GCNA: variants seen among roughly 807,000 people sequenced by gnomAD.
The protein encoded by GCNA is germ cell nuclear acidic protein.
GCNA carries 3 observed loss-of-function variants against 38.8 expected under a neutral mutation model. The observed-to-expected ratio is 0.08, with a 90% confidence interval of 0.04 to 0.20. The LOEUF (loss-of-function observed/expected upper bound fraction) is 0.20, where lower values mean the gene tolerates loss of function less well. GCNA is among the 10% of genes least tolerant of loss of function. The pLI is 1.00. For missense variants in GCNA, 446 were observed against 578.6 expected, an observed-to-expected ratio of 0.77 and a Z score of 2.35; for synonymous variants, 195 against 240.2, an observed-to-expected ratio of 0.81 and a Z score of 1.74.
Position 71,603,588 on chromosome X carries a change from A to G in GCNA, c.311A>G (p.Asp104Gly), listed in dbSNP as rs1569440100. ...KAKLLEINSD[D>G]ESPECCHVKP... is the part of the protein sequence containing the mutation. ...TATGATTGTGTCTCTTGAATTTCAG[A>G]TGAGAGTCCGGAGTGTTGTCATGTG... Residue 104 changes from aspartate to glycine, a missense_variant and splice_region_variant, in exon 8 of 13, where the codon GAT (aspartate) becomes GGT (glycine). Around this residue, in one of 7 missense-constraint regions of GCNA, gnomAD observed 118 missense variants for 122.8 expected, o/e 0.96. Coordinates refer to ENST00000373696, the MANE Select transcript of GCNA (RefSeq NM_052957.5). 4 of 1,203,877 alleles carry G rather than the reference A, an allele frequency of 3.3e-6. No homozygotes were observed. The highest frequency in any genetic ancestry group is 1.7e-5 in the African/African-American group (1 of 57,528).
chrX:71,599,163 G>C (rs1040266179), intron 7 of GCNA, among the ~76,000 whole-genome samples: 1 of 110,701 alleles, frequency 9.0e-6, no homozygotes, highest in Non-Finnish European at 1.9e-5. Flanking sequence ...ACCAGCACCA[G>C]CTACTTCTTA....
chrX:71,585,630 T>C (rs1394666109), intron 2 of GCNA, among the ~76,000 whole-genome samples: 1 of 110,804 alleles, frequency 9.0e-6, no homozygotes, highest in African/African-American at 3.3e-5. Flanking sequence ...AGCTCCAAAT[T>C]GGAACTGCTA....
At chrX:71,606,085 CTT>C (rs1317605774) in intron 9 of GCNA, among the ~76,000 whole-genome samples, 2 of 112,641 alleles carry the variant, frequency 1.8e-5, no homozygotes, top group African/African-American at 6.5e-5. Flanking sequence ...AAACAAGACA[CTT>C]TTCTTCAGGC....
Position 71,605,733 on chromosome X carries a change from T to C in GCNA, c.1466+4T>C, listed in dbSNP as rs775395731. 1.2e-5 allele frequency: 15 copies of C among 1,200,754 alleles called. No homozygotes were observed. Among genetic ancestry groups the C allele is most frequent in the East Asian group, 3.0e-5 (1 of 33,459 alleles). The stretch of plus-strand genomic sequence containing the variant: ...AAGTTGAAAAACGCAAGACTAGGTA[T>C]GTACTGCTCGCATACAGTTGAACAG... On this transcript the variant is annotated splice_donor_region_variant and intron_variant, in intron 9 of 12. Transcript: ENST00000373696.
intron 6 of GCNA, among the ~76,000 whole-genome samples, chrX:71,596,538 T>A (rs769980613): frequency 8.9e-6 from 1 of 112,193 alleles, no homozygotes; most frequent in African/African-American, 3.2e-5. Flanking sequence ...GAAGTCCTTA[T>A]TTGATAATTA....
rs769169817 is a variant in GCNA, at chrX:71,597,947, C to A, written c.222-3C>A. ...CTTGTTTTTCTCCTGTTTCATCACT[C>A]AGCTCCGTGGTAGTGATTGACTCTG... On this transcript the variant is annotated splice_region_variant and splice_polypyrimidine_tract_variant and intron_variant, in intron 6 of 12. Coordinates refer to ENST00000373696, the MANE Select transcript of GCNA (RefSeq NM_052957.5). 2 of 1,197,053 alleles carry A rather than the reference C, an allele frequency of 1.7e-6. No individual in the cohort carries two copies. Among genetic ancestry groups the A allele is most frequent in the Non-Finnish European group, 2.3e-6 (2 of 883,029 alleles).
chrX:71,596,266 C>T (rs1440763056), intron 6 of GCNA, among the ~76,000 whole-genome samples: 2 of 111,696 alleles, frequency 1.8e-5, no homozygotes, highest in Non-Finnish European at 3.8e-5. Context: ...AATTCTAGAG[C>T]CAAATAATGT....
chrX:71,588,455 G>A (rs1241249111), intron 2 of GCNA, among the ~76,000 whole-genome samples: 3 of 112,197 alleles, frequency 2.7e-5, no homozygotes, highest in African/African-American at 6.5e-5. Context: ...TAATTTGGCA[G>A]TATTTCTTCC....
intron 2 of GCNA, among the ~76,000 whole-genome samples, chrX:71,589,711 C>T (rs1474441912): frequency 9.1e-6 from 1 of 109,456 alleles, no homozygotes; most frequent in South Asian, 3.9e-4. Context: ...GGTGATCACC[C>T]ACCTCGGCCT....
chrX:71,610,257 G>T (rs1292239606), intron 10 of GCNA, among the ~76,000 whole-genome samples: 2 of 111,995 alleles, frequency 1.8e-5, no homozygotes, highest in African/African-American at 6.5e-5. Flanking sequence ...GGGGGAGAAG[G>T]TTCTTTTTCC....
intron 2 of GCNA, among the ~76,000 whole-genome samples, chrX:71,587,092 T>C (rs773915668): frequency 4.6e-4 from 51 of 111,391 alleles, no homozygotes; most frequent in Non-Finnish European, 9.4e-4. Flanking sequence ...CGGAATACAA[T>C]CCTTGGGAAG....
chrX:71,600,625 C>T (rs1484136524), intron 7 of GCNA, among the ~76,000 whole-genome samples: 1 of 111,576 alleles, frequency 9.0e-6, no homozygotes, highest in Non-Finnish European at 1.9e-5. Flanking sequence ...TCACTGCTCT[C>T]AGTGAAATAA....
At chrX:71,598,084 C>T (rs922604689) in intron 7 of GCNA, 46 bp downstream of exon 7, 2 of 980,556 alleles carry the variant, frequency 2.0e-6, no homozygotes, top group African/African-American at 3.8e-5. Flanking sequence ...GCTCCAAAGC[C>T]TCATCACACG....
intron 1 of GCNA, among the ~76,000 whole-genome samples, chrX:71,579,051 T>C (rs1443369854): frequency 2.3e-5 from 2 of 86,910 alleles, no homozygotes; most frequent in African/African-American, 4.5e-5. Flanking sequence ...AGGGGCACCA[T>C]TGGCGGCCTT....
intron 7 of GCNA, among the ~76,000 whole-genome samples, chrX:71,601,531 A>G (rs1178964918): frequency 9.2e-6 from 1 of 109,218 alleles, no homozygotes; most frequent in African/African-American, 3.3e-5. Context: ...TTATGCATTC[A>G]TCTGTTTTTT....
chrX:71,595,257 G>C (rs868822911), intron 6 of GCNA, among the ~76,000 whole-genome samples: 9 of 111,100 alleles, frequency 8.1e-5, no homozygotes, highest in African/African-American at 2.9e-4. Context: ...CACCATGCCC[G>C]GCTAATTTTT....
At chrX:71,597,915 C>T (rs746083793) in intron 6 of GCNA, 35 bp from the exon 7 acceptor site, 5 of 1,077,332 alleles carry the variant, frequency 4.6e-6, no homozygotes, top group Non-Finnish European at 6.4e-6. Context: ...TGCGTTCATA[C>T]TTCTCTCTTG....
chrX:71,591,277 C>G (rs760062281), intron 2 of GCNA, among the ~76,000 whole-genome samples: 8 of 111,152 alleles, frequency 7.2e-5, no homozygotes, highest in Admixed American at 6.7e-4. Flanking sequence ...TCAGGTGGTG[C>G]TGCATAACTC....
intron 2 of GCNA, among the ~76,000 whole-genome samples, chrX:71,591,703 C>T (rs2040629789): frequency 9.1e-6 from 1 of 110,023 alleles, no homozygotes; most frequent in Admixed American, 9.7e-5. Context: ...GCAGTGGCAC[C>T]ATCATAGCTC....
Sources: gnomAD v4.1 joint callset for allele counts (sites outside exome capture counted in the v4.1 genomes callset) on GRCh38, gnomAD v4.1.1 for gene constraint, gnomAD v4.1.1 regional missense constraint, MANE v1.5 for transcripts, NCBI Gene and HGNC (gene_info 2026-07-23, HGNC 2026-07-21) for gene names.